Variants in RALGAPA2 observed in about 807,000 individuals in gnomAD.
RALGAPA2 encodes Ral GTPase activating protein catalytic subunit alpha 2, also known as ral GTPase-activating protein subunit alpha-2.
RALGAPA2 carries 139 observed loss-of-function variants against 230.4 expected under a neutral mutation model. The ratio of observed to expected loss-of-function variants is 0.60; its 90% confidence interval spans 0.53 to 0.69. The LOEUF (loss-of-function observed/expected upper bound fraction) is 0.69, where lower values mean the gene tolerates loss of function less well. Ranked by LOEUF, RALGAPA2 falls within the 30% of genes least tolerant of loss-of-function variation. RALGAPA2 has a pLI of 0.00. For synonymous variants in RALGAPA2, 847 were observed against 837.8 expected (o/e 1.01, Z -0.19); for missense variants, 2,163 against 2,276.0 (o/e 0.95, Z 1.01).
chr20:20,680,655 G>T (rs772220572), intron 2 of RALGAPA2, 36 bp downstream of exon 2: 2 of 1,495,514 alleles, frequency 1.3e-6, no homozygotes, highest in Non-Finnish European at 1.8e-6. Flanking sequence ...AAAAATGCCC[G>T]AATGTTTTTT....
chr20:20,550,128 T>A (rs191941818), intron 23 of RALGAPA2, among the ~76,000 whole-genome samples: 1 of 152,284 alleles, frequency 6.6e-6, no homozygotes, highest in African/African-American at 2.4e-5. Flanking sequence ...TAGTCTTTTA[T>A]CCCTCATCCC....
chr20:20,629,271 T>C (rs2066590674), intron 10 of RALGAPA2, 92 bp downstream of exon 10: 3 of 1,070,210 alleles, frequency 2.8e-6, no homozygotes, highest in Non-Finnish European at 4.1e-6. Flanking sequence ...GTTGGCGTGT[T>C]ACAAGTAAAA....
chr20:20,668,274 G>A (rs1439822691), intron 3 of RALGAPA2, among the ~76,000 whole-genome samples: 1 of 152,100 alleles, frequency 6.6e-6, no homozygotes, highest in Non-Finnish European at 1.5e-5. Flanking sequence ...ATGGTGGCAG[G>A]TGCCTGTAGT....
At chr20:20,612,666 G>A (rs766189098) in intron 13 of RALGAPA2, among the ~76,000 whole-genome samples, 18 of 152,046 alleles carry the variant, frequency 1.2e-4, no homozygotes, top group African/African-American at 3.9e-4. Context: ...CCCTGCCTAC[G>A]GATTCTGGAA....
intron 3 of RALGAPA2, among the ~76,000 whole-genome samples, chr20:20,654,106 A>G (rs537638625): frequency 1.3e-5 from 2 of 152,360 alleles, no homozygotes; most frequent in Admixed American, 6.5e-5. Flanking sequence ...AAAAAAACTA[A>G]TAAGTTTTAG....
chr20:20,586,271 G>A (rs942437306), intron 18 of RALGAPA2, among the ~76,000 whole-genome samples: 11 of 152,190 alleles, frequency 7.2e-5, no homozygotes, highest in African/African-American at 2.7e-4. Flanking sequence ...GCAGTGAAAC[G>A]TGGCTATTGC....
intron 16 of RALGAPA2, among the ~76,000 whole-genome samples, chr20:20,592,433 G>A (rs918326049): frequency 2.6e-5 from 4 of 152,036 alleles, no homozygotes; most frequent in African/African-American, 9.7e-5. Flanking sequence ...ACTCACACCT[G>A]CTCCCTCATC....
At chr20:20,645,106 CTTTTTTT>C (rs71198064) in intron 4 of RALGAPA2, among the ~76,000 whole-genome samples, 1 of 59,462 alleles carries the variant, frequency 1.7e-5, no homozygotes, top group Non-Finnish European at 3.3e-5. Flanking sequence ...GGTGGTGGTG[CTTTTTTT>C]TTTTTTTTTT....
chr20:20,665,017 T>C (rs530405831), intron 3 of RALGAPA2, among the ~76,000 whole-genome samples: 2 of 152,204 alleles, frequency 1.3e-5, no homozygotes, highest in African/African-American at 2.4e-5. Flanking sequence ...CCACACTACA[T>C]ATCCAAACAG....
intron 1 of RALGAPA2, among the ~76,000 whole-genome samples, chr20:20,705,976 T>A (rs2069586330): frequency 6.6e-6 from 1 of 152,210 alleles, no homozygotes. Context: ...CAAGGTTTTT[T>A]CTAAATAAAA....
chr20:20,458,436 T>TA (rs33978707), intron 37 of RALGAPA2, among the ~76,000 whole-genome samples: 2,100 of 129,844 alleles, frequency 0.016, 102 homozygotes, highest in East Asian at 0.06. Context: ...TATGTATTTT[T>TA]TATATTACAT....
intron 23 of RALGAPA2, among the ~76,000 whole-genome samples, chr20:20,550,674 T>C (rs1379201563): frequency 6.6e-6 from 1 of 152,178 alleles, no homozygotes. Flanking sequence ...TCCAAAGCCT[T>C]GTGTGACTGT....
intron 1 of RALGAPA2, among the ~76,000 whole-genome samples, chr20:20,698,756 C>T (rs187039079): frequency 6.6e-6 from 1 of 152,270 alleles, no homozygotes; most frequent in East Asian, 1.9e-4. Context: ...AATTAACATT[C>T]AAACAATGCT....
intron 14 of RALGAPA2, among the ~76,000 whole-genome samples, chr20:20,606,020 C>T (rs556939491): frequency 1.3e-5 from 2 of 152,132 alleles, no homozygotes; most frequent in African/African-American, 4.8e-5. Context: ...TTAACCACCC[C>T]TCTCCTTTAA....
At chr20:20,524,799 A>G (rs878871852) in intron 29 of RALGAPA2, 31 bp downstream of exon 29, 3 of 1,510,624 alleles carry the variant, frequency 2.0e-6, no homozygotes, top group South Asian at 1.3e-5. Flanking sequence ...TAAAAAAACT[A>G]TAGGAAAAAC....
In RALGAPA2 at chr20:20,432,359, A is replaced by AG. The variant is rs574565003; in HGVS notation, c.5496-20212dup. On this transcript the variant is annotated intron_variant, in intron 37 of 39. Coordinates refer to ENST00000202677, the MANE Select transcript of RALGAPA2 (RefSeq NM_020343.4). ...GTGATTACCATGGGTTAAACAACTA[A>AG]GGGCAGGGTGGAGAGTGACCAAGCA... 8.4e-3 allele frequency among the ~76,000 whole-genome samples: 1,280 copies of AG among 152,346 alleles called. 9 individuals carry two copies. Among genetic ancestry groups the AG allele is most frequent in the Non-Finnish European group, 0.014 (949 of 68,034 alleles).
intron 13 of RALGAPA2, among the ~76,000 whole-genome samples, chr20:20,611,696 A>G (rs1437519156): frequency 6.6e-6 from 1 of 152,208 alleles, no homozygotes; most frequent in African/African-American, 2.4e-5. Context: ...CTCCCCTTGC[A>G]AAAAGAGAGG....
At chr20:20,503,266 G>A (rs776802515) in intron 35 of RALGAPA2, 85 bp downstream of exon 35, 40 of 1,236,364 alleles carry the variant, frequency 3.2e-5, no homozygotes, top group Middle Eastern at 2.5e-4. Flanking sequence ...CTCAGTGTGC[G>A]TTCTACCCTT....
At chr20:20,609,755 C>T (rs556787599) in intron 14 of RALGAPA2, among the ~76,000 whole-genome samples, 6 of 152,306 alleles carry the variant, frequency 3.9e-5, no homozygotes, top group South Asian at 2.1e-4. Flanking sequence ...TGAGACGCTT[C>T]GCTGAGAAAG....
Sources: allele counts gnomAD v4.1 joint callset (sites outside exome capture counted in the v4.1 genomes callset), GRCh38; gene constraint gnomAD v4.1.1; transcripts MANE v1.5; gene names NCBI Gene and HGNC (gene_info 2026-07-23, HGNC 2026-07-21).